Variants in ITIH2 observed in about 807,000 individuals in gnomAD.
ITIH2 encodes the protein inter-alpha-trypsin inhibitor heavy chain 2, also known as inter-alpha-trypsin inhibitor heavy chain H2.
In ITIH2, 103 loss-of-function variants were observed where a neutral mutation model predicts 104.4. That is an observed-to-expected ratio of 0.99 (90% CI 0.84 to 1.16). The LOEUF (loss-of-function observed/expected upper bound fraction) is 1.16, where lower values mean the gene tolerates loss of function less well. ITIH2 is among the 50% of genes most tolerant of loss of function. The probability of loss-of-function intolerance (pLI) is 0.00; values close to 1 mark genes in which losing one functional copy is unlikely to be tolerated. For synonymous variants in ITIH2, 436 were observed against 435.4 expected (o/e 1.00, Z -0.02); for missense variants, 1,108 against 1,162.4 (o/e 0.95, Z 0.68).
At chr10:7,716,667 C>T (rs889302634) in intron 5 of ITIH2, among the ~76,000 whole-genome samples, 15 of 137,076 alleles carry the variant, frequency 1.1e-4, no homozygotes, top group Middle Eastern at 3.9e-3. Context: ...GCCCTGGAGG[C>T]GGAGGTTGCA....
intron 11 of ITIH2, among the ~76,000 whole-genome samples, chr10:7,728,162 A>T (rs1157118758): frequency 6.6e-6 from 1 of 152,114 alleles, no homozygotes; most frequent in Non-Finnish European, 1.5e-5. Context: ...AAGATGGTGT[A>T]TGGGGGTGGT....
intron 1 of ITIH2, among the ~76,000 whole-genome samples, chr10:7,704,123 G>A (rs1834723145): frequency 6.6e-6 from 1 of 152,200 alleles, no homozygotes; most frequent in South Asian, 2.1e-4. Flanking sequence ...CATCTCCAAT[G>A]TAAGGAAAGT....
At chr10:7,735,119 G>C (rs771692802) in intron 15 of ITIH2, 28 bp downstream of exon 15, 2 of 1,580,054 alleles carry the variant, frequency 1.3e-6, no homozygotes, top group Admixed American at 3.6e-5. Context: ...GGGGACAAGT[G>C]GCCAGGCAGC....
rs1227523364 is a variant in ITIH2, at chr10:7,713,287, T to C, written c.467+2T>C. On this transcript the variant is annotated splice_donor_variant, in intron 5 of 20. Transcript: ENST00000358415. LOFTEE classifies it high-confidence loss of function. ...AGGCAAGACGGCTGGCTTGGTGAGG[T>C]AAGGCCTGAGTGAGCAAGGCTTGCC... 1 of 1,610,910 alleles carries C rather than the reference T, an allele frequency of 6.2e-7. No individual in the cohort carries two copies. The highest frequency in any genetic ancestry group is 8.5e-7 in the Non-Finnish European group (1 of 1,177,282).
rs139566444 is a variant in ITIH2, at chr10:7,749,327, G to A, written c.2834G>A (p.Arg945Gln). ...FVPQLYSFLKRP is the reference protein window; with the variant it reads ...FVPQLYSFLKQP ...CCTCAGCTCTACAGCTTTCTCAAAC[G>A]GCCTTAAAGGTTTATAGTTTGGGAA... Residue 945 changes from arginine (R) to glutamine (Q), a missense_variant, in exon 21 of 21, where the codon CGG (arginine) becomes CAG (glutamine). By Grantham distance (43) the Arg-to-Gln change is conservative (BLOSUM62 1). Coordinates refer to ENST00000358415, the MANE Select transcript of ITIH2 (RefSeq NM_002216.3). 3.2e-4 allele frequency: 522 copies of A among 1,613,560 alleles called. 2 individuals carry two copies. The African/African-American group carries it at 4.3e-3, about 13-fold the overall frequency.
chr10:7,716,394 T>A (rs1834849914), intron 5 of ITIH2, among the ~76,000 whole-genome samples: 1 of 152,148 alleles, frequency 6.6e-6, no homozygotes, highest in Non-Finnish European at 1.5e-5. Flanking sequence ...AGATCAATGA[T>A]CACATTGAAC....
At chr10:7,730,806 C>G (rs1164198185) in intron 12 of ITIH2, among the ~76,000 whole-genome samples, 1 of 152,112 alleles carries the variant, frequency 6.6e-6, no homozygotes, top group Non-Finnish European at 1.5e-5. Context: ...AATTTGGGAA[C>G]AAGTAAGAGA....
At chr10:7,740,710 C>A (rs1664368710) in intron 16 of ITIH2, among the ~76,000 whole-genome samples, 1 of 152,186 alleles carries the variant, frequency 6.6e-6, no homozygotes, top group Non-Finnish European at 1.5e-5. Flanking sequence ...GGAGACACAT[C>A]TGCCCCATGA....
At chr10:7,739,205 C>T (rs1005626907) in intron 16 of ITIH2, among the ~76,000 whole-genome samples, 1 of 152,178 alleles carries the variant, frequency 6.6e-6, no homozygotes, top group African/African-American at 2.4e-5. Flanking sequence ...GGAGGGAGAG[C>T]GTCTCCTCTC....
chr10:7,738,428 A>G (rs1419172045), intron 15 of ITIH2, among the ~76,000 whole-genome samples, 193 bp from the exon 16 acceptor site: 1 of 150,136 alleles, frequency 6.7e-6, no homozygotes, highest in Non-Finnish European at 1.5e-5. Flanking sequence ...CAGACTCCAG[A>G]GAGAACTGTA....
chr10:7,744,273 A>C lies in ITIH2; in HGVS notation c.2401A>C (p.Asn801His), dbSNP rs147229416. 1.4e-4 allele frequency: 230 copies of C among 1,613,774 alleles called. 1 individual carries two copies. In the African/African-American group the frequency reaches 2.6e-3, roughly 19 times the overall value. ...LSWSDTAQVT[N>H]QRVQISVKKE... is the part of the protein sequence containing the mutation. ...CTGGTCCGACACGGCTCAAGTCACG[A>C]ATCAGAGGCAAGTATGATTCCATCT... Residue 801 changes from asparagine to histidine, a missense_variant, in exon 18 of 21, where the codon AAT becomes CAT. Coordinates refer to ENST00000358415, the MANE Select transcript of ITIH2 (RefSeq NM_002216.3).
In ITIH2 at chr10:7,749,437, G is replaced by C. The variant is rs1835216512; in HGVS notation, c.*103G>C. On this transcript the variant is annotated 3_prime_UTR_variant, in exon 21 of 21. Transcript: ENST00000358415. ...ATAATTAAAATGAACCAGATATCAG[G>C]GTGGTTAATTAAAATGAACCAGATA... 2.0e-6 allele frequency: 2 copies of C among 1,011,696 alleles called. No individual in the cohort carries two copies. Among genetic ancestry groups the C allele is most frequent in the African/African-American group, 3.3e-5 (2 of 61,204 alleles). 62.7% of individuals were successfully genotyped at this position (1,011,696 alleles called of 1,614,324 possible).
At chr10:7,748,260 A>ATG (rs34632916) in intron 20 of ITIH2, among the ~76,000 whole-genome samples, 1 of 146,436 alleles carries the variant, frequency 6.8e-6, no homozygotes, top group Non-Finnish European at 1.5e-5. Context: ...ATATATATAT[A>ATG]TTTACTATAA....
intron 16 of ITIH2, among the ~76,000 whole-genome samples, chr10:7,742,826 TTGTG>T (rs561392357): frequency 4.2e-4 from 64 of 152,338 alleles, no homozygotes; most frequent in Non-Finnish European, 5.4e-4. Context: ...GGGTGCATAT[TTGTG>T]TGTATTTCTT....
At chr10:7,708,952 A>G in intron 3 of ITIH2, 70 bp from the exon 4 acceptor site, 3 of 1,288,882 alleles carry the variant, frequency 2.3e-6, no homozygotes, top group South Asian at 2.4e-5. Context: ...TTAACATCAA[A>G]TGCACTACAT....
chr10:7,748,349 G>A (rs780256960), intron 20 of ITIH2, among the ~76,000 whole-genome samples: 5 of 148,672 alleles, frequency 3.4e-5, no homozygotes, highest in African/African-American at 4.9e-5. Context: ...GAGCTGTCCC[G>A]TGGGCTGGGC....
Position 7,746,705 on chromosome 10 carries a change from G to A in ITIH2, c.2693+1G>A. On this transcript the variant is annotated splice_donor_variant, in intron 20 of 20. Transcript: ENST00000358415. LOFTEE classifies it high-confidence loss of function. Reference sequence around the variant, plus strand: ...AGGGGCAGAAGCTGATCATCACCAGGTAGGCCTCGGGCGTAAGGACAGTGA... The same window carrying A: ...AGGGGCAGAAGCTGATCATCACCAGATAGGCCTCGGGCGTAAGGACAGTGA... 1 of 1,595,782 alleles carries A rather than the reference G, an allele frequency of 6.3e-7. No individual in the cohort carries two copies. Among genetic ancestry groups the A allele is most frequent in the Non-Finnish European group, 8.6e-7 (1 of 1,163,626 alleles).
intron 16 of ITIH2, among the ~76,000 whole-genome samples, chr10:7,741,845 C>T (rs997146070): frequency 6.6e-6 from 1 of 152,148 alleles, no homozygotes; most frequent in Non-Finnish European, 1.5e-5. Context: ...CTAAAGAAAT[C>T]ATAAACTCTT....
intron 4 of ITIH2, among the ~76,000 whole-genome samples, chr10:7,710,093 C>T (rs1317105865): frequency 6.6e-6 from 1 of 152,230 alleles, no homozygotes; most frequent in African/African-American, 2.4e-5. Context: ...ACCTCGTGAT[C>T]TGCCCGCCTC....
Sources: gnomAD v4.1 joint callset for allele counts (sites outside exome capture counted in the v4.1 genomes callset) on GRCh38, gnomAD v4.1.1 for gene constraint, MANE v1.5 for transcripts, NCBI Gene and HGNC (gene_info 2026-07-23, HGNC 2026-07-21) for gene names.